The following CYP51A1 variants were observed in gnomAD, a reference collection of about 807,000 sequenced individuals.
CYP51A1 encodes cytochrome P450 family 51 subfamily A member 1.
CYP51A1 carries 45 observed loss-of-function variants against 53.5 expected under a neutral mutation model. That is an observed-to-expected ratio of 0.84 (90% CI 0.66 to 1.08). CYP51A1 has a LOEUF of 1.08. Ranked by LOEUF, CYP51A1 falls within the 50% of genes least tolerant of loss-of-function variation. CYP51A1 has a pLI of 0.00. For missense variants in CYP51A1, 462 were observed against 621.7 expected (o/e 0.74, Z 2.73); for synonymous variants, 181 against 217.7 (o/e 0.83, Z 1.48).
chr7:92,125,160 A>G (rs1057182385), intron 5 of CYP51A1, among the ~76,000 whole-genome samples: 5 of 151,934 alleles, frequency 3.3e-5, no homozygotes, highest in African/African-American at 4.8e-5. Context: ...AAAAAAAAAA[A>G]AAAAGAAATG....
In CYP51A1 at chr7:92,123,229, C is replaced by T; in HGVS notation, c.977G>A (p.Ser326Asn). ...GGCCAAAAAGAAGCCCATCCAAGCA[C>T]TAGTAGTTGAGGATGTATGCTGCCC... is the stretch of plus-strand genomic sequence containing the variant. The part of the protein sequence containing the change: ...LAGQHTSSTT[S>N]AWMGFFLARD... The change falls in exon 7 of 10, where the codon AGT (serine) becomes AAT (asparagine). Residue 326 changes from serine (S) to asparagine (N), a missense_variant. By Grantham distance (46) the Ser-to-Asn change is conservative. Transcript: ENST00000003100. 3.7e-6 allele frequency: 6 copies of T among 1,613,924 alleles called. No individual in the cohort carries two copies. The highest frequency in any genetic ancestry group is 5.1e-6 in the Non-Finnish European group (6 of 1,179,824).
Position 92,131,458 on chromosome 7 carries a change from G to A in CYP51A1, c.291+316C>T, listed in dbSNP as rs901209601. Among the ~76,000 whole-genome samples, 13 of 152,042 alleles carry A rather than the reference G, an allele frequency of 8.6e-5. No individual in the cohort carries two copies. In the East Asian group the frequency reaches 2.5e-3, roughly 29 times the overall value. On this transcript the variant is annotated intron_variant, in intron 2 of 9. Transcript: ENST00000003100. ...CAGATGCATGGTAAAGAAAAATGAG[G>A]GTTAATTAATATCAATTTTAATGAC...
At chr7:92,126,083 A>G (rs554284511) in intron 5 of CYP51A1, among the ~76,000 whole-genome samples, 170 bp downstream of exon 5, 18 of 152,348 alleles carry the variant, frequency 1.2e-4, no homozygotes, top group Admixed American at 2.6e-4. Flanking sequence ...TGAGCTCATT[A>G]TATAAAGAAA....
At chr7:92,132,393 C>T (rs777414465) in intron 1 of CYP51A1, among the ~76,000 whole-genome samples, 1 of 152,130 alleles carries the variant, frequency 6.6e-6, no homozygotes, top group Non-Finnish European at 1.5e-5. Flanking sequence ...TTACAATACC[C>T]AATACAATGT....
chr7:92,123,155 A>G lies in CYP51A1; in HGVS notation c.1051T>C (p.Cys351Arg). The G allele has an allele frequency of 6.2e-7, 1 of 1,613,882 alleles. No individual in the cohort carries two copies. Among genetic ancestry groups the G allele is most frequent in the Non-Finnish European group, 8.5e-7 (1 of 1,179,810 alleles). ...KKCYLEQKTV[C>R]GENLPPLTYD... Reference sequence around the variant, plus strand: ...GTTAAAGGAGGCAGATTCTCTCCACAGACTGTTTTCTGTTCTAAATAACAT... The same window carrying G: ...GTTAAAGGAGGCAGATTCTCTCCACGGACTGTTTTCTGTTCTAAATAACAT... The change falls in exon 7 of 10, where the codon TGT becomes CGT. Residue 351 changes from cysteine (C) to arginine (R), a missense_variant. Coordinates refer to ENST00000003100, the MANE Select transcript of CYP51A1 (RefSeq NM_000786.4).
At chr7:92,133,790 G>C (rs2073795) in intron 1 of CYP51A1, among the ~76,000 whole-genome samples, 17,243 of 152,066 alleles carry the variant, frequency 0.11, 1,115 homozygotes, top group East Asian at 0.36. Context: ...AACGACCACC[G>C]GGTCGTTCAA....
Position 92,123,767 on chromosome 7 carries a change from T to C in CYP51A1, c.857A>G (p.Asp286Gly), listed in dbSNP as rs1819739953. 6.2e-7 allele frequency: 1 copy of C among 1,608,876 alleles called. No individual in the cohort carries two copies. Among genetic ancestry groups the C allele is most frequent in the Non-Finnish European group, 8.5e-7 (1 of 1,178,286 alleles). The change falls in exon 6 of 10, where the codon GAC becomes GGC. Residue 286 changes from aspartate (D) to glycine (G), a missense_variant. Transcript: ENST00000003100. ...AGCATCTAGTAAAGTTTGGAGAATGTCATCAATTTTTTCTTGAGACTGTCT... is the reference window on the plus strand; with the variant it reads ...AGCATCTAGTAAAGTTTGGAGAATGCCATCAATTTTTTCTTGAGACTGTCT... ...KRRQSQEKIDDILQTLLDATY... is the reference protein window; with the variant it reads ...KRRQSQEKIDGILQTLLDATY...
intron 4 of CYP51A1, 94 bp from the exon 5 acceptor site, chr7:92,126,521 T>C: frequency 9.2e-7 from 1 of 1,091,492 alleles, no homozygotes; most frequent in Non-Finnish European, 1.3e-6. Flanking sequence ...AACAAGATCC[T>C]ATTCATATCA....
intron 9 of CYP51A1, among the ~76,000 whole-genome samples, 171 bp downstream of exon 9, chr7:92,116,873 C>A (rs1349649058): frequency 6.6e-6 from 1 of 152,030 alleles, no homozygotes; most frequent in African/African-American, 2.4e-5. Flanking sequence ...CCATTTGGTA[C>A]AAAGGAAATA....
At chr7:92,120,389 A>G (rs1281873699) in intron 7 of CYP51A1, among the ~76,000 whole-genome samples, 2 of 152,242 alleles carry the variant, frequency 1.3e-5, no homozygotes, top group African/African-American at 4.8e-5. Context: ...CAGACTAAAC[A>G]TATCAATGGA....
chr7:92,114,078 C>A (rs1364561714), intron 9 of CYP51A1, among the ~76,000 whole-genome samples: 1 of 152,062 alleles, frequency 6.6e-6, no homozygotes, highest in Admixed American at 6.5e-5. Flanking sequence ...ATTACTTTTT[C>A]TGAAAATATA....
chr7:92,126,268 G>T lies in CYP51A1; in HGVS notation c.755C>A (p.Pro252His). 1 of 1,601,664 alleles carries T rather than the reference G, an allele frequency of 6.2e-7. No homozygotes were observed. The highest frequency in any genetic ancestry group is 2.2e-5 in the East Asian group (1 of 44,756). The change falls in exon 5 of 10, where the codon CCT (proline) becomes CAT (histidine). Residue 252 changes from proline to histidine, a missense_variant. Pro to His is a moderately conservative substitution (Grantham distance 77). Transcript: ENST00000003100. ...HAAWLLPGWL[P>H]LPSFRRRDRA... ...TTATCCATACCTGAAACTAGGCAAA[G>T]GCAGCCAACCTGGTAAGAGCCAGGC...
chr7:92,117,311 C>G (rs1230672110), intron 8 of CYP51A1, 99 bp from the exon 9 acceptor site: 1 of 997,238 alleles, frequency 1.0e-6, no homozygotes, highest in Non-Finnish European at 1.5e-6. Context: ...ATGGGATACT[C>G]AGATGCTCCT....
intron 1 of CYP51A1, among the ~76,000 whole-genome samples, chr7:92,132,905 C>T (rs1208450959): frequency 6.6e-6 from 1 of 152,186 alleles, no homozygotes; most frequent in Non-Finnish European, 1.5e-5. Context: ...TAATACTCCT[C>T]AATTCTCTGG....
chr7:92,117,756 G>A (rs1360446694), intron 8 of CYP51A1, among the ~76,000 whole-genome samples: 2 of 152,160 alleles, frequency 1.3e-5, no homozygotes, highest in Middle Eastern at 3.2e-3. Context: ...GGGAGGCCAA[G>A]GCGGGTGGAT....
intron 2 of CYP51A1, among the ~76,000 whole-genome samples, chr7:92,131,377 C>T (rs1819912996): frequency 6.6e-6 from 1 of 152,136 alleles, no homozygotes. Flanking sequence ...TCATGTGGGT[C>T]ATTCAAGTGG....
intron 5 of CYP51A1, among the ~76,000 whole-genome samples, chr7:92,125,873 G>A (rs929257234): frequency 6.6e-6 from 1 of 152,140 alleles, no homozygotes; most frequent in Non-Finnish European, 1.5e-5. Context: ...GCACGTGCCT[G>A]TAGTCCCAGC....
chr7:92,122,987 G>C, intron 7 of CYP51A1, 133 bp downstream of exon 7: 2 of 662,678 alleles, frequency 3.0e-6, no homozygotes, highest in South Asian at 4.4e-5. Context: ...AGGTTATAGG[G>C]AATTTGCTAA....
At chr7:92,134,575 G>A (rs904658807), upstream of CYP51A1, 9 of 552,962 alleles carry the variant, frequency 1.6e-5, no homozygotes, top group African/African-American at 1.6e-4. Context: ...ATAACACTCT[G>A]TGAAGCCGTG....
Sources: allele counts gnomAD v4.1 joint callset (sites outside exome capture counted in the v4.1 genomes callset), GRCh38; gene constraint gnomAD v4.1.1; transcripts MANE v1.5; gene names NCBI Gene and HGNC (gene_info 2026-07-23, HGNC 2026-07-21).